Variants in DSG1 observed in about 807,000 individuals in gnomAD.
DSG1 encodes desmoglein-1.
DSG1 carries 39 observed loss-of-function variants against 97.5 expected under a neutral mutation model. The observed-to-expected ratio is 0.40, with a 90% CI of 0.31 to 0.52. DSG1 has a LOEUF of 0.52. Among genes scored for constraint, DSG1 ranks in the 20% least tolerant of loss-of-function variants. The pLI is 0.53. For synonymous variants in DSG1, 475 were observed against 443.4 expected, an observed-to-expected ratio of 1.07 and a Z score of -0.90; for missense variants, 1,311 against 1,295.4, an observed-to-expected ratio of 1.01 and a Z score of -0.18.
rs779270310 is a variant in DSG1 at position 31,339,995 on chromosome 18, C to T, written c.1657C>T (p.Leu553Phe). The change falls in exon 11 of 15, where the codon CTC (leucine) becomes TTC (phenylalanine). Residue 553 changes from leucine to phenylalanine, a missense_variant. This residue lies in a region of DSG1 where 1,038 missense variants were observed against 964.6 expected (regional missense o/e 1.08). Transcript: ENST00000257192. The stretch of plus-strand genomic sequence containing the variant: ...ACATTTTGGTCCTGCTGGCATTGGA[C>T]TCCTCATCATGGGATTCTTGGTCTT... The part of the protein sequence containing the change: ...NVHFGPAGIG[L>F]LIMGFLVLGL... 9 of 1,614,042 alleles carry T rather than the reference C, an allele frequency of 5.6e-6. No individual in the cohort carries two copies. Among genetic ancestry groups the T allele is most frequent in the Non-Finnish European group, 6.8e-6 (8 of 1,179,970 alleles).
chr18:31,322,681 G>A (rs2071661465), intron 1 of DSG1, among the ~76,000 whole-genome samples: 1 of 152,160 alleles, frequency 6.6e-6, no homozygotes, highest in Non-Finnish European at 1.5e-5. Context: ...GTGCATCCTT[G>A]CGATGTATAT....
At chr18:31,335,732 G>T (rs2071747900) in intron 8 of DSG1, among the ~76,000 whole-genome samples, 1 of 151,380 alleles carries the variant, frequency 6.6e-6, no homozygotes, top group African/African-American at 2.4e-5. Flanking sequence ...ATTGTTTGTG[G>T]ATTTTATGTG....
chr18:31,327,480 C>G (rs894760773), intron 3 of DSG1, among the ~76,000 whole-genome samples: 1 of 152,022 alleles, frequency 6.6e-6, no homozygotes, highest in Non-Finnish European at 1.5e-5. Context: ...AAACACCCCC[C>G]ACAAATTCAT....
At chr18:31,327,064 A>T (rs968936151) in intron 3 of DSG1, 59 bp downstream of exon 3, 21 of 1,597,956 alleles carry the variant, frequency 1.3e-5, no homozygotes, top group Non-Finnish European at 1.7e-5. Flanking sequence ...TTTCAAAAGA[A>T]ACTGTCTGCT....
intron 14 of DSG1, chr18:31,353,986 G>A (rs59243474): frequency 0.02 from 6,778 of 334,100 alleles, 459 homozygotes; most frequent in African/African-American, 0.14. Context: ...CGGCCATCTT[G>A]GCTCCTCCTC....
intron 3 of DSG1, among the ~76,000 whole-genome samples, chr18:31,327,641 C>T (rs1250058343): frequency 6.6e-6 from 1 of 152,134 alleles, no homozygotes; most frequent in Non-Finnish European, 1.5e-5. Context: ...ACCATTTATT[C>T]GCGTGGTCTC....
At chr18:31,332,312 G>A (rs1429892297) in intron 6 of DSG1, among the ~76,000 whole-genome samples, 3 of 152,016 alleles carry the variant, frequency 2.0e-5, no homozygotes, top group Non-Finnish European at 4.4e-5. Flanking sequence ...CTTTAACCTA[G>A]CATATCTAAG....
chr18:31,333,528 A>G (rs1343763182), intron 6 of DSG1, 61 bp from the exon 7 acceptor site: 11 of 1,609,146 alleles, frequency 6.8e-6, no homozygotes, highest in Non-Finnish European at 9.4e-6. Context: ...AGAACTTTAC[A>G]TAAGACAAAG....
At chr18:31,327,403 G>A (rs775320910) in intron 3 of DSG1, among the ~76,000 whole-genome samples, 4 of 151,918 alleles carry the variant, frequency 2.6e-5, no homozygotes, top group Non-Finnish European at 5.9e-5. Context: ...TTCACAAGGT[G>A]CCCTCTCTCA....
Position 31,357,235 on chromosome 18 carries a change from G to A in DSG1, c.*1889G>A, listed in dbSNP as rs2071967068. ...GTATACATCTTCTTTTAACTCTGTA[G>A]AATATGTAAAATTTTGATAGTCTGT... On this transcript the variant is annotated 3_prime_UTR_variant, in exon 15 of 15. Coordinates refer to ENST00000257192, the MANE Select transcript of DSG1 (RefSeq NM_001942.4). Among the ~76,000 whole-genome samples the A allele has an allele frequency of 6.6e-6, 1 of 151,980 alleles. No homozygotes were observed. The highest frequency in any genetic ancestry group is 1.5e-5 in the Non-Finnish European group (1 of 67,914).
intron 7 of DSG1, 129 bp downstream of exon 7, chr18:31,333,852 T>G: frequency 8.1e-7 from 1 of 1,232,668 alleles, no homozygotes; most frequent in Non-Finnish European, 1.2e-6. Flanking sequence ...ACATACTTTT[T>G]TCTTGTGTTT....
In DSG1 at chr18:31,355,006, T is replaced by G. The variant is rs1205950131; in HGVS notation, c.2810T>G (p.Leu937Arg). The change falls in exon 15 of 15, where the codon CTG becomes CGG. Residue 937 changes from leucine (L) to arginine (R), a missense_variant. By Grantham distance (102) the Leu-to-Arg change is moderately radical. This residue lies in a region of DSG1 where 1,038 missense variants were observed against 964.6 expected (regional missense o/e 1.08). Coordinates refer to ENST00000257192, the MANE Select transcript of DSG1 (RefSeq NM_001942.4). ...IQPTSGMIGS[L>R]SMHPELANAH... The stretch of plus-strand genomic sequence containing the variant: ...CCAACTTCCGGCATGATAGGTAGTC[T>G]GAGTATGCACCCCGAGTTAGCCAAT... The G allele has an allele frequency of 3.7e-6, 6 of 1,614,118 alleles. No individual in the cohort carries two copies. Among genetic ancestry groups the G allele is most frequent in the African/African-American group, 1.3e-5 (1 of 74,948 alleles).
intron 1 of DSG1, among the ~76,000 whole-genome samples, chr18:31,320,652 A>G (rs2071647767): frequency 6.6e-6 from 1 of 152,226 alleles, no homozygotes; most frequent in Non-Finnish European, 1.5e-5. Context: ...CAAGTCAAAC[A>G]CATTTTGTTA....
chr18:31,344,092 A>C (rs1376251537), intron 13 of DSG1, 97 bp downstream of exon 13: 2 of 919,644 alleles, frequency 2.2e-6, no homozygotes, highest in Non-Finnish European at 3.4e-6. Flanking sequence ...ATTTTTCTTC[A>C]AAAGTGTTTA....
chr18:31,325,689 A>C (rs2071681379), intron 1 of DSG1, among the ~76,000 whole-genome samples: 1 of 152,136 alleles, frequency 6.6e-6, no homozygotes, highest in Non-Finnish European at 1.5e-5. Flanking sequence ...TAAAATCAGA[A>C]TTTTTTGAGT....
intron 5 of DSG1, 125 bp from the exon 6 acceptor site, chr18:31,331,576 G>C (rs889611679): frequency 2.2e-5 from 18 of 813,642 alleles, no homozygotes; most frequent in Non-Finnish European, 3.3e-5. Context: ...GGAGTAGAAA[G>C]GGAAGACAGT....
chr18:31,321,395 C>T (rs1379876481), intron 1 of DSG1, among the ~76,000 whole-genome samples: 1 of 151,808 alleles, frequency 6.6e-6, no homozygotes, highest in Non-Finnish European at 1.5e-5. Context: ...CTTTCTTGAG[C>T]GTGTATTATA....
intron 11 of DSG1, 75 bp from the exon 12 acceptor site, chr18:31,343,375 C>T: frequency 1.9e-6 from 3 of 1,580,564 alleles, no homozygotes; most frequent in Non-Finnish European, 2.6e-6. Context: ...CAAATTTAAC[C>T]ATAAAAAATC....
chr18:31,331,136 A>C (rs115862180), intron 5 of DSG1, among the ~76,000 whole-genome samples: 3 of 152,110 alleles, frequency 2.0e-5, no homozygotes, highest in Non-Finnish European at 4.4e-5. Context: ...ATTTCTTTAG[A>C]TCTACTAATT....
Sources: allele counts gnomAD v4.1 joint callset (sites outside exome capture counted in the v4.1 genomes callset), GRCh38; gene constraint gnomAD v4.1.1; regional missense constraint gnomAD v4.1.1; transcripts MANE v1.5; gene names NCBI Gene and HGNC (gene_info 2026-07-23, HGNC 2026-07-21).